The following ZNF479 variants were observed in gnomAD, a reference collection of about 807,000 sequenced individuals.
ZNF479 encodes zinc finger protein 479, also known as KRAB zinc finger protein KR19.
In ZNF479, 15 loss-of-function variants were observed where a neutral mutation model predicts 14.7. The ratio of observed to expected loss-of-function variants is 1.02; its 90% CI spans 0.68 to 1.57. The LOEUF is 1.57. Among genes scored for constraint, ZNF479 ranks in the 40% most tolerant of loss-of-function variants. The probability of loss-of-function intolerance (pLI) is 0.00; values close to 1 mark genes in which losing one functional copy is unlikely to be tolerated. For missense variants in ZNF479, 506 were observed against 615.1 expected (o/e 0.82, Z 1.88); for synonymous variants, 145 against 211.5 (o/e 0.69, Z 2.73).
chr7:57,126,864 A>C (rs558270830), intron 1 of ZNF479, 146 bp from the exon 2 acceptor site: 3 of 676,872 alleles, frequency 4.4e-6, no homozygotes, highest in East Asian at 5.5e-5. Flanking sequence ...TTATTCAATA[A>C]GATAATTTTT....
upstream of ZNF479, among the ~76,000 whole-genome samples, chr7:57,133,286 GGTTCTTTCTCTT>G (rs1786514505): frequency 1.3e-5 from 2 of 152,052 alleles, no homozygotes; most frequent in Non-Finnish European, 2.9e-5. Flanking sequence ...CGTCCTCCCC[GGTTCTTTCTCTT>G]TTTCCACCAT....
At chr7:57,122,697 T>G (rs1554400824) in intron 3 of ZNF479, among the ~76,000 whole-genome samples, 3 of 152,150 alleles carry the variant, frequency 2.0e-5, no homozygotes, top group Non-Finnish European at 4.4e-5. Context: ...ATTTAAGATG[T>G]TTTACAGAAT....
chr7:57,128,704 T>G (rs1786288996), intron 1 of ZNF479, among the ~76,000 whole-genome samples: 1 of 152,174 alleles, frequency 6.6e-6, no homozygotes, highest in Admixed American at 6.5e-5. Context: ...CAGAACCCCT[T>G]GACTATCATA....
At chr7:57,125,766 C>T (rs1351385666) in intron 3 of ZNF479, among the ~76,000 whole-genome samples, 2 of 152,168 alleles carry the variant, frequency 1.3e-5, no homozygotes, top group Non-Finnish European at 2.9e-5. Flanking sequence ...CCCTGATAAC[C>T]TTTAAAGAAA....
chr7:57,132,304 G>A lies in ZNF479; in HGVS notation c.21C>T (p.Pro7=). The A allele has an allele frequency of 6.2e-7, 1 of 1,614,070 alleles. No homozygotes were observed. Among genetic ancestry groups the A allele is most frequent in the African/African-American group, 1.3e-5 (1 of 75,000 alleles). Residue 7 remains proline (P), a synonymous_variant, in exon 1 of 4, where the codon CCC becomes CCT. Coordinates refer to ENST00000319636, the MANE Select transcript of ZNF479 (RefSeq NM_001370129.2). Reference sequence around the variant, plus strand: ...CACTCACCATTTCTCGGCTTCCAGGGGGTCCTGGTCTTTTAGCCATAAATC... The same window carrying A: ...CACTCACCATTTCTCGGCTTCCAGGAGGTCCTGGTCTTTTAGCCATAAATC... MAKRPG[P]PGSREMGLLT...
intron 1 of ZNF479, among the ~76,000 whole-genome samples, chr7:57,138,482 C>T (rs1786743939): frequency 6.6e-6 from 1 of 152,140 alleles, no homozygotes; most frequent in Non-Finnish European, 1.5e-5. Context: ...GGACACGATA[C>T]ACAGTTAGAA....
In ZNF479 at chr7:57,119,855, G is replaced by C; in HGVS notation, c.1560C>G (p.Pro520=). 1.9e-6 allele frequency: 3 copies of C among 1,612,802 alleles called. No individual in the cohort carries two copies. Among genetic ancestry groups the C allele is most frequent in the Non-Finnish European group, 1.7e-6 (2 of 1,179,362 alleles). ...KHKIIHTGEK[P]YKCE ...CTTTGCCATATTATTCACATTTGTAGGGTTTCTCTCCAGTGTGAATTATCT... is the reference window on the plus strand; with the variant it reads ...CTTTGCCATATTATTCACATTTGTACGGTTTCTCTCCAGTGTGAATTATCT... The change falls in exon 4 of 4, where the codon CCC becomes CCG. Residue 520 remains proline (P), a synonymous_variant. Coordinates refer to ENST00000319636, the MANE Select transcript of ZNF479 (RefSeq NM_001370129.2).
At chr7:57,133,729 G>C (rs1786529860), upstream of ZNF479, among the ~76,000 whole-genome samples, 1 of 152,058 alleles carries the variant, frequency 6.6e-6, no homozygotes, top group Non-Finnish European at 1.5e-5. Flanking sequence ...AGCTGGGCGT[G>C]GTGACAGGCA....
chr7:57,126,826 T>A, intron 1 of ZNF479, 108 bp from the exon 2 acceptor site: 2 of 1,072,750 alleles, frequency 1.9e-6, no homozygotes, highest in Non-Finnish European at 2.7e-6. Context: ...TAAAAAGAAG[T>A]GGTTCTCACT....
chr7:57,134,101 A>G (rs1292167942), upstream of ZNF479, among the ~76,000 whole-genome samples: 1 of 152,214 alleles, frequency 6.6e-6, no homozygotes, highest in Admixed American at 6.5e-5. Flanking sequence ...AGGCATCTGA[A>G]GCAGAGAAAC....
At chr7:57,132,556 G>A (rs1016603888), upstream of ZNF479, among the ~76,000 whole-genome samples, 1 of 152,142 alleles carries the variant, frequency 6.6e-6, no homozygotes. Flanking sequence ...CCCTGAGTGA[G>A]GGAATATTTG....
At chr7:57,124,757 G>T (rs369769370) in intron 3 of ZNF479, among the ~76,000 whole-genome samples, 2 of 149,146 alleles carry the variant, frequency 1.3e-5, no homozygotes, top group Admixed American at 1.3e-4. Flanking sequence ...ACTAGACAAC[G>T]ATAATTGAAT....
rs1428039626 is a variant in ZNF479 at position 57,119,880 on chromosome 7, TTA to T, written c.1533_1534del (p.His511GlnfsTer13). On this transcript the variant is annotated frameshift_variant, in exon 4 of 4. Transcript: ENST00000319636. LOFTEE classifies it high-confidence loss of function. ...GGGTTTCTCTCCAGTGTGAATTATC[TTA>T]TGTTTAGCAAGACTTGAATGCCACT... The T allele has an allele frequency of 1.2e-6, 2 of 1,613,510 alleles. No individual in the cohort carries two copies. The highest frequency in any genetic ancestry group is 1.7e-5 in the Admixed American group (1 of 59,936).
rs190592315 is a variant in ZNF479 at position 57,126,906 on chromosome 7, G to A, written c.40-188C>T. Among the ~76,000 whole-genome samples the A allele has an allele frequency of 2.8e-4, 42 of 152,130 alleles. 1 individual carries two copies. The highest frequency in any genetic ancestry group is 3.4e-3 in the Middle Eastern group (1 of 294). On this transcript the variant is annotated intron_variant, in intron 1 of 3. Transcript: ENST00000319636. ...GAAGTATTCTCTAACTCTGAGAAAA[G>A]AGGATAGCATAAGATCCACAATACT...
intron 1 of ZNF479, among the ~76,000 whole-genome samples, chr7:57,130,929 G>A (rs780969928): frequency 4.6e-5 from 7 of 152,172 alleles, no homozygotes; most frequent in Non-Finnish European, 1.0e-4. Flanking sequence ...CTATAAGAAA[G>A]AACAACATCA....
chr7:57,129,784 T>C (rs1320319584), intron 1 of ZNF479, among the ~76,000 whole-genome samples: 8 of 152,154 alleles, frequency 5.3e-5, no homozygotes, highest in Non-Finnish European at 1.0e-4. Flanking sequence ...TTTCTTCTTA[T>C]CTTTCTCATT....
Position 57,120,783 on chromosome 7 carries a change from T to C in ZNF479, c.632A>G (p.Lys211Arg), listed in dbSNP as rs1554400340. 6.2e-7 allele frequency: 1 copy of C among 1,612,588 alleles called. No homozygotes were observed. The highest frequency in any genetic ancestry group is 2.2e-5 in the East Asian group (1 of 44,846). ...GCCACATTCTTTGCATTTGTAGGAC[T>C]TCTCCCTAGTATGAATTACCTGATG... ...NQHQVIHTRE[K>R]SYKCKECGKS... is the part of the protein sequence containing the mutation. Residue 211 changes from lysine to arginine, a missense_variant, in exon 4 of 4, where the codon AAG becomes AGG. Coordinates refer to ENST00000319636, the MANE Select transcript of ZNF479 (RefSeq NM_001370129.2).
rs782773499 is a variant in ZNF479, at chr7:57,120,171, C to T, written c.1244G>A (p.Gly415Asp). Residue 415 changes from glycine to aspartate, a missense_variant, in exon 4 of 4, where the codon GGC (glycine) becomes GAC (aspartate). Gly to Asp is a moderately conservative substitution (Grantham distance 94). Around this residue, in one of 3 missense-constraint regions of ZNF479, gnomAD observed 14 missense variants for 43.4 expected, o/e 0.32. Transcript: ENST00000319636. ...GGTTGAGGATAAGCTAAAGACTTTG[C>T]CACACTCTTCACATTTGTAGGGTCT... ...GERPYKCEEC[G>D]KVFSLSSTLT... The T allele has an allele frequency of 1.2e-5, 19 of 1,611,760 alleles. No homozygotes were observed. The South Asian group carries it at 1.6e-4, about 14-fold the overall frequency.
chr7:57,118,778 C>T lies in ZNF479; in HGVS notation c.*1062G>A, dbSNP rs1785780726. Among the ~76,000 whole-genome samples, 3 of 152,146 alleles carry T rather than the reference C, an allele frequency of 2.0e-5. No individual in the cohort carries two copies. Among genetic ancestry groups the T allele is most frequent in the Admixed American group, 6.5e-5 (1 of 15,272 alleles). ...ATTTTTCTCTAGTATAAATGCTTTC[C>T]TGTACCATAAGGTGTGAGAATTTGT... On this transcript the variant is annotated 3_prime_UTR_variant, in exon 4 of 4. Coordinates refer to ENST00000319636, the MANE Select transcript of ZNF479 (RefSeq NM_001370129.2).
Sources: allele counts gnomAD v4.1 joint callset (sites outside exome capture counted in the v4.1 genomes callset), GRCh38; gene constraint gnomAD v4.1.1; regional missense constraint gnomAD v4.1.1; transcripts MANE v1.5; gene names NCBI Gene and HGNC (gene_info 2026-07-23, HGNC 2026-07-21).